The following STOM variants were observed in gnomAD, a reference collection of about 807,000 sequenced individuals.
STOM encodes erythrocyte band 7 integral membrane protein.
STOM carries 25 observed loss-of-function variants against 30.6 expected under a neutral mutation model. The observed-to-expected ratio is 0.82, with a 90% CI of 0.60 to 1.14. The LOEUF (loss-of-function observed/expected upper bound fraction) is 1.14, where lower values mean the gene tolerates loss of function less well. Ranked by LOEUF, STOM falls within the 50% of genes most tolerant of loss-of-function variation. The pLI is 0.00. For synonymous variants in STOM, 118 were observed against 130.8 expected, an observed-to-expected ratio of 0.90 and a Z score of 0.67; for missense variants, 292 against 365.2, an observed-to-expected ratio of 0.80 and a Z score of 1.63.
At position 121,367,407 on chromosome 9, in the gene STOM, C is replaced by T. The variant is rs114587732; in HGVS notation, c.61+2720G>A. Among the ~76,000 whole-genome samples the T allele has an allele frequency of 7.4e-3, 1,132 of 152,184 alleles. 15 individuals carry two copies. Among genetic ancestry groups the T allele is most frequent in the African/African-American group, 0.026 (1,081 of 41,512 alleles). On this transcript the variant is annotated intron_variant, in intron 1 of 6. Coordinates refer to ENST00000286713, the MANE Select transcript of STOM (RefSeq NM_004099.6). ...ATCTATTTAATCATGAATAAATATG[C>T]CAGTTTTGTAGACTTGGTCTTCCAT... is the stretch of plus-strand genomic sequence containing the variant.
chr9:121,349,361 A>T (rs2064318798), intron 4 of STOM, 38 bp from the exon 5 acceptor site: 2 of 1,584,534 alleles, frequency 1.3e-6, no homozygotes, highest in Admixed American at 3.3e-5. Context: ...TCTGTCAACG[A>T]CTTTTTTTTA....
intron 1 of STOM, among the ~76,000 whole-genome samples, chr9:121,359,469 A>G (rs1398849100): frequency 6.6e-6 from 1 of 152,150 alleles, no homozygotes; most frequent in African/African-American, 2.4e-5. Flanking sequence ...AGACATATTC[A>G]TTGAGAGAAT....
In STOM at chr9:121,340,600, A is replaced by G; in HGVS notation, c.*602T>C. The G allele has an allele frequency of 1.7e-6, 1 of 577,926 alleles. No individual in the cohort carries two copies. Among genetic ancestry groups the G allele is most frequent in the African/African-American group, 2.0e-5 (1 of 49,196 alleles). The allele number at this position is 577,926 out of a possible 1,614,324, so 35.8% of individuals were successfully genotyped here. A position where few individuals can be genotyped will look rare whatever the true frequency, so the allele number is the denominator to read the frequency against. On this transcript the variant is annotated 3_prime_UTR_variant, in exon 7 of 7. Transcript: ENST00000286713. ...AAAAAACAATAATAATAATACAAAA[A>G]TTAGCTGGGCATGGTGGCATGAGCC...
chr9:121,370,020 G>A, intron 1 of STOM, 107 bp downstream of exon 1: 1 of 1,087,330 alleles, frequency 9.2e-7, no homozygotes. Context: ...ATCTCGCCCA[G>A]CCCGAAGCAG....
intron 2 of STOM, 110 bp downstream of exon 2, chr9:121,355,943 A>G (rs916536344): frequency 3.0e-6 from 2 of 661,190 alleles, no homozygotes; most frequent in African/African-American, 3.7e-5. Flanking sequence ...TAAGAATTAT[A>G]AGAGAGAGAG....
In STOM at chr9:121,339,574, T is replaced by A; in HGVS notation, c.*1628A>T. 1 of 1,231,322 alleles carries A rather than the reference T, an allele frequency of 8.1e-7. No homozygotes were observed. The highest frequency in any genetic ancestry group is 3.2e-5 in the East Asian group (1 of 31,688). The allele number at this position is 1,231,322 out of a possible 1,614,324, so 76.3% of individuals were successfully genotyped here. ...TTGAGCTAAAGAGAGCTATAAAGGC[T>A]CGTGCTGGGAAAGAAAGCTGTTATG... On this transcript the variant is annotated 3_prime_UTR_variant, in exon 7 of 7. Transcript: ENST00000286713.
chr9:121,364,994 CAT>C (rs780230938), intron 1 of STOM, among the ~76,000 whole-genome samples: 1 of 152,122 alleles, frequency 6.6e-6, no homozygotes, highest in African/African-American at 2.4e-5. Context: ...CCCATTGAAA[CAT>C]AGGGCTAATA....
At chr9:121,341,537 TA>T (rs2064247171) in intron 6 of STOM, 129 bp from the exon 7 acceptor site, 4 of 1,214,604 alleles carry the variant, frequency 3.3e-6, no homozygotes, top group Non-Finnish European at 4.5e-6. Flanking sequence ...AGAGTAGTTT[TA>T]AGAAAATCAA....
intron 4 of STOM, among the ~76,000 whole-genome samples, chr9:121,352,087 G>A (rs1467870458): frequency 6.6e-6 from 1 of 152,050 alleles, no homozygotes. Context: ...TCATTCCTCG[G>A]TATCTGTGGG....
At chr9:121,345,226 CA>C (rs1329602940) in intron 6 of STOM, among the ~76,000 whole-genome samples, 1 of 152,076 alleles carries the variant, frequency 6.6e-6, no homozygotes, top group Non-Finnish European at 1.5e-5. Flanking sequence ...TACAAATGTT[CA>C]GTATGAATAG....
chr9:121,356,968 G>A, intron 1 of STOM, among the ~76,000 whole-genome samples: 1 of 151,862 alleles, frequency 6.6e-6, no homozygotes. Context: ...GGGCAACAGA[G>A]GAAGAATCTG....
intron 1 of STOM, among the ~76,000 whole-genome samples, chr9:121,364,119 T>C (rs961782546): frequency 2.0e-5 from 3 of 151,998 alleles, no homozygotes. Context: ...GAAGACAGAA[T>C]CCTACAAAGA....
intron 1 of STOM, chr9:121,366,149 G>A: frequency 1.0e-6 from 1 of 985,278 alleles, no homozygotes; most frequent in Non-Finnish European, 1.2e-6. Flanking sequence ...CACAAGTTCA[G>A]TATAGTTTTC....
At chr9:121,365,697 C>A (rs577839028) in intron 1 of STOM, among the ~76,000 whole-genome samples, 49 of 152,068 alleles carry the variant, frequency 3.2e-4, no homozygotes, top group African/African-American at 1.0e-3. Context: ...CCAAATCTAC[C>A]ACTAAATTTT....
In STOM at chr9:121,339,776, G is replaced by A; in HGVS notation, c.*1426C>T. The stretch of plus-strand genomic sequence containing the variant: ...ATTTGTTGTCCAGAGGAGCTGACCA[G>A]TTCCTCTTTCAGCATCAATATACAT... On this transcript the variant is annotated 3_prime_UTR_variant, in exon 7 of 7. Coordinates refer to ENST00000286713, the MANE Select transcript of STOM (RefSeq NM_004099.6). 8.2e-7 allele frequency: 1 copy of A among 1,221,742 alleles called. No individual in the cohort carries two copies. Among genetic ancestry groups the A allele is most frequent in the East Asian group, 3.2e-5 (1 of 30,936 alleles). 75.7% of individuals were successfully genotyped at this position (1,221,742 alleles called of 1,614,324 possible). A position where few individuals can be genotyped will look rare whatever the true frequency, so the allele number is the denominator to read the frequency against.
chr9:121,347,859 G>A (rs539260023), intron 6 of STOM, among the ~76,000 whole-genome samples, 156 bp downstream of exon 6: 1 of 152,122 alleles, frequency 6.6e-6, no homozygotes, highest in East Asian at 1.9e-4. Context: ...GACCTCTGGG[G>A]GAATATGATT....
chr9:121,359,579 C>A (rs962401392), intron 1 of STOM, among the ~76,000 whole-genome samples: 1 of 151,890 alleles, frequency 6.6e-6, no homozygotes, highest in African/African-American at 2.4e-5. Flanking sequence ...GTTGTGTATA[C>A]CCCAGGCATT....
chr9:121,369,860 TGGG>T, intron 1 of STOM: 1 of 467,312 alleles, frequency 2.1e-6, no homozygotes, highest in Non-Finnish European at 3.9e-6. Flanking sequence ...AGCCCTGGCA[TGGG>T]GCTTGGCATC....
intron 1 of STOM, among the ~76,000 whole-genome samples, chr9:121,369,453 G>T (rs7047206): frequency 0.27 from 39,130 of 146,362 alleles, 5,807 homozygotes; most frequent in South Asian, 0.54. Context: ...TACAGCTCCT[G>T]CCTTGAAGAC....
Sources: allele counts gnomAD v4.1 joint callset (sites outside exome capture counted in the v4.1 genomes callset), GRCh38; gene constraint gnomAD v4.1.1; transcripts MANE v1.5; gene names NCBI Gene and HGNC (gene_info 2026-07-23, HGNC 2026-07-21).